The following KCNIP4 variants were observed in gnomAD, a reference collection of about 807,000 sequenced individuals.
KCNIP4 encodes Kv channel-interacting protein 4.
A neutral mutation model predicts 34.0 loss-of-function variants in KCNIP4; 12 were observed. That is an observed-to-expected ratio of 0.35 (90% confidence interval 0.23 to 0.57). The LOEUF is 0.57. Ranked by LOEUF, KCNIP4 falls within the 20% of genes least tolerant of loss-of-function variation. The pLI is 0.83. For synonymous variants in KCNIP4, 124 were observed against 102.2 expected (o/e 1.21, Z -1.29); for missense variants, 238 against 311.7 (o/e 0.76, Z 1.78).
intron 1 of KCNIP4, among the ~76,000 whole-genome samples, chr4:21,431,684 A>T (rs1726464271): frequency 6.6e-6 from 1 of 152,012 alleles, no homozygotes; most frequent in South Asian, 2.1e-4. Flanking sequence ...ATACCTAAGA[A>T]AATATAGGAG....
intron 3 of KCNIP4, among the ~76,000 whole-genome samples, chr4:20,797,686 T>A (rs564816516): frequency 6.6e-6 from 1 of 152,182 alleles, no homozygotes; most frequent in East Asian, 1.9e-4. Context: ...CTTGTTGGTT[T>A]AAAGGTAGAG....
intron 1 of KCNIP4, among the ~76,000 whole-genome samples, chr4:21,380,250 G>A (rs1243059366): frequency 6.6e-6 from 1 of 152,032 alleles, no homozygotes; most frequent in African/African-American, 2.4e-5. Flanking sequence ...AACTTCCTAA[G>A]ATAATACTAT....
At chr4:21,530,550 TA>T (rs1736586215) in intron 1 of KCNIP4, among the ~76,000 whole-genome samples, 1 of 152,072 alleles carries the variant, frequency 6.6e-6, no homozygotes, top group Non-Finnish European at 1.5e-5. Context: ...ATTGGGCAAA[TA>T]ATTGTTGATA....
In KCNIP4 at chr4:21,253,575, G is replaced by A. The variant is rs538221827; in HGVS notation, c.62-370866C>T. ...GAATGTTCCATCAGTCTTGGAAAAGGAATTTGTCTGCTAGATAGTGTTAAA... is the reference window on the plus strand; with the variant it reads ...GAATGTTCCATCAGTCTTGGAAAAGAAATTTGTCTGCTAGATAGTGTTAAA... On this transcript the variant is annotated intron_variant, in intron 1 of 8. Coordinates refer to ENST00000382152, the MANE Select transcript of KCNIP4 (RefSeq NM_025221.6). 2.0e-5 allele frequency among the ~76,000 whole-genome samples: 3 copies of A among 152,290 alleles called. No individual in the cohort carries two copies. The East Asian group carries it at 5.8e-4, about 29-fold the overall frequency.
chr4:21,302,086 T>C (rs1711795183), intron 1 of KCNIP4, among the ~76,000 whole-genome samples: 1 of 152,212 alleles, frequency 6.6e-6, no homozygotes, highest in Non-Finnish European at 1.5e-5. Context: ...AAGATTGTCC[T>C]GGAGAATGCT....
intron 1 of KCNIP4, among the ~76,000 whole-genome samples, chr4:21,690,098 G>GTATATATATACATATATTATA (rs1553921183): frequency 1.4e-5 from 2 of 146,026 alleles, no homozygotes; most frequent in Non-Finnish European, 1.5e-5. Flanking sequence ...ACATATATAT[G>GTATATATATACATATATTATA]TATATATATA....
chr4:21,578,074 G>T (rs1577628696), intron 1 of KCNIP4, among the ~76,000 whole-genome samples: 1 of 151,978 alleles, frequency 6.6e-6, no homozygotes, highest in South Asian at 2.1e-4. Context: ...GGTGGCTCAC[G>T]CCTGTAATCC....
At chr4:21,833,857 C>G (rs1415743678) in intron 1 of KCNIP4, among the ~76,000 whole-genome samples, 1 of 152,138 alleles carries the variant, frequency 6.6e-6, no homozygotes, top group Non-Finnish European at 1.5e-5. Flanking sequence ...GAATCCTTTC[C>G]CCATTGCTTG....
Position 21,659,653 on chromosome 4 carries a change from C to G in KCNIP4, c.61+288918G>C, listed in dbSNP as rs576696216. Among the ~76,000 whole-genome samples the G allele has an allele frequency of 8.5e-5, 13 of 152,094 alleles. No homozygotes were observed. The East Asian group carries it at 2.5e-3, about 29-fold the overall frequency. On this transcript the variant is annotated intron_variant, in intron 1 of 8. Transcript: ENST00000382152. Reference sequence around the variant, plus strand: ...ATTAAGAAAAATTAAATTTCTGTGGCCTAGGGTGAGTACTTAATAAACCAC... The same window carrying G: ...ATTAAGAAAAATTAAATTTCTGTGGGCTAGGGTGAGTACTTAATAAACCAC...
chr4:21,116,134 G>A (rs553199485), intron 1 of KCNIP4, among the ~76,000 whole-genome samples: 44 of 152,274 alleles, frequency 2.9e-4, no homozygotes, highest in Admixed American at 2.1e-3. Context: ...CACAGGCTTC[G>A]TCAAAGTCTA....
chr4:21,111,884 T>G (rs1306947370), intron 1 of KCNIP4, among the ~76,000 whole-genome samples: 2 of 152,110 alleles, frequency 1.3e-5, no homozygotes, highest in Non-Finnish European at 2.9e-5. Context: ...ATAAGCTGCA[T>G]GGAGAAGGGA....
At chr4:21,534,281 T>C (rs990200148) in intron 1 of KCNIP4, among the ~76,000 whole-genome samples, 1 of 152,188 alleles carries the variant, frequency 6.6e-6, no homozygotes, top group African/African-American at 2.4e-5. Flanking sequence ...ATGTTGTCTT[T>C]ACAGACACTG....
At chr4:21,599,234 A>G (rs1292207958) in intron 1 of KCNIP4, among the ~76,000 whole-genome samples, 6 of 152,040 alleles carry the variant, frequency 3.9e-5, no homozygotes, top group Admixed American at 3.9e-4. Flanking sequence ...ATATTAATAC[A>G]CATTTTTGAA....
At chr4:21,483,812 AT>A (rs1330172936) in intron 1 of KCNIP4, among the ~76,000 whole-genome samples, 1 of 150,938 alleles carries the variant, frequency 6.6e-6, no homozygotes, top group African/African-American at 2.4e-5. Context: ...AAAAATAAAA[AT>A]AAAAATAAAA....
intron 1 of KCNIP4, among the ~76,000 whole-genome samples, chr4:21,141,149 A>G (rs948754712): frequency 1.3e-5 from 2 of 152,208 alleles, no homozygotes; most frequent in Admixed American, 1.3e-4. Context: ...TCTAAGGAAG[A>G]GATGCACATA....
chr4:21,248,005 C>A (rs200886748), intron 1 of KCNIP4, among the ~76,000 whole-genome samples: 6,494 of 52,666 alleles, frequency 0.12, 582 homozygotes, highest in African/African-American at 0.38. Context: ...ACACACACAC[C>A]CCCCACAGGT....
chr4:21,000,916 C>T (rs1429479206), intron 1 of KCNIP4, among the ~76,000 whole-genome samples: 1 of 152,148 alleles, frequency 6.6e-6, no homozygotes, highest in Non-Finnish European at 1.5e-5. Flanking sequence ...AAATTACATG[C>T]TTCCACTCCC....
chr4:21,401,380 CAA>C (rs1404562879), intron 1 of KCNIP4, among the ~76,000 whole-genome samples: 1 of 152,138 alleles, frequency 6.6e-6, no homozygotes, highest in Admixed American at 6.5e-5. Context: ...TCCCATTTTA[CAA>C]ATCTCCGATG....
intron 3 of KCNIP4, among the ~76,000 whole-genome samples, chr4:20,819,112 G>A (rs1167928444): frequency 6.6e-6 from 1 of 151,752 alleles, no homozygotes; most frequent in African/African-American, 2.4e-5. Context: ...TTGAACTCTC[G>A]ACCTCCCAAA....
Sources: gnomAD v4.1 joint callset for allele counts (sites outside exome capture counted in the v4.1 genomes callset) on GRCh38, gnomAD v4.1.1 for gene constraint, MANE v1.5 for transcripts, NCBI Gene and HGNC (gene_info 2026-07-23, HGNC 2026-07-21) for gene names.